PDE6C: variants seen among roughly 807,000 people sequenced by gnomAD.
PDE6C encodes cone cGMP-specific 3',5'-cyclic phosphodiesterase subunit alpha'.
In PDE6C, 75 loss-of-function variants were observed where a neutral mutation model predicts 113.1. The observed-to-expected ratio is 0.66, with a 90% confidence interval of 0.55 to 0.80. PDE6C has a LOEUF of 0.80. Ranked by LOEUF, PDE6C falls within the 30% of genes least tolerant of loss-of-function variation. The pLI is 0.00. For missense variants in PDE6C, 912 were observed against 1,038.6 expected, an observed-to-expected ratio of 0.88 and a Z score of 1.67; for synonymous variants, 375 against 363.7, an observed-to-expected ratio of 1.03 and a Z score of -0.35.
intron 8 of PDE6C, among the ~76,000 whole-genome samples, chr10:93,632,322 G>A (rs1333336542): frequency 1.3e-5 from 2 of 152,184 alleles, no homozygotes; most frequent in African/African-American, 4.8e-5. Context: ...AGGTTCCAGA[G>A]ATTAGGATAT....
intron 15 of PDE6C, 127 bp from the exon 16 acceptor site, chr10:93,655,633 G>GAAAAAAAAAAAAAAAAAA (rs2058633976): frequency 1.9e-6 from 1 of 538,458 alleles, no homozygotes; most frequent in Non-Finnish European, 3.4e-6. Flanking sequence ...AAAAAAGGAA[G>GAAAAAAAAAAAAAAAAAA]GAAAACAAAA....
At chr10:93,658,650 CTGTTT>C (rs1286585871) in intron 16 of PDE6C, among the ~76,000 whole-genome samples, 8 of 144,740 alleles carry the variant, frequency 5.5e-5, no homozygotes, top group East Asian at 2.0e-4. Flanking sequence ...TCCAAGTTAC[CTGTTT>C]TGTTTTGTTT....
intron 15 of PDE6C, among the ~76,000 whole-genome samples, chr10:93,653,802 T>C (rs559619872): frequency 2.6e-5 from 4 of 152,342 alleles, no homozygotes; most frequent in East Asian, 3.9e-4. Context: ...GATGAACTCA[T>C]TATGTTGACA....
chr10:93,622,810 G>T (rs2058455173), intron 4 of PDE6C, among the ~76,000 whole-genome samples: 1 of 151,890 alleles, frequency 6.6e-6, no homozygotes. Context: ...TGACTCAATA[G>T]CTAATTTCTT....
At chr10:93,632,647 G>C (rs535853859) in intron 8 of PDE6C, among the ~76,000 whole-genome samples, 1 of 152,188 alleles carries the variant, frequency 6.6e-6, no homozygotes, top group South Asian at 2.1e-4. Context: ...TCTTTCACAC[G>C]CATGTGATAT....
At chr10:93,642,116 AGCACTTTG>A in intron 14 of PDE6C, among the ~76,000 whole-genome samples, 1 of 152,338 alleles carries the variant, frequency 6.6e-6, no homozygotes, top group African/African-American at 2.4e-5. Context: ...CTATAATCCC[AGCACTTTG>A]GGAGGCTGAG....
rs554478045 is a variant in PDE6C at position 93,633,752 on chromosome 10, T to A, written c.1120-1006T>A. On this transcript the variant is annotated intron_variant, in intron 8 of 21. Coordinates refer to ENST00000371447, the MANE Select transcript of PDE6C (RefSeq NM_006204.4). ...CAGAAAAACAAAAACCACACTAGTA[T>A]TTTAACGGGAGAATTTTATTTAAGG... is the stretch of plus-strand genomic sequence containing the variant. 2.6e-4 allele frequency among the ~76,000 whole-genome samples: 39 copies of A among 152,258 alleles called. No individual in the cohort carries two copies. The East Asian group carries it at 4.5e-3, about 17-fold the overall frequency.
intron 21 of PDE6C, among the ~76,000 whole-genome samples, chr10:93,663,961 C>T (rs1347601665): frequency 6.6e-6 from 1 of 152,092 alleles, no homozygotes; most frequent in Non-Finnish European, 1.5e-5. Flanking sequence ...TGACATGTTC[C>T]TTTTAGGTGG....
chr10:93,635,477 T>C lies in PDE6C; in HGVS notation c.1270-20T>C. The stretch of plus-strand genomic sequence containing the variant: ...TTTCTTTCACTGAAGAGAATTAGAA[T>C]CACCTTTTATCCATTTCAGACTCTC... On this transcript the variant is annotated intron_variant, in intron 9 of 21. Transcript: ENST00000371447. The C allele has an allele frequency of 5.6e-6, 9 of 1,604,964 alleles. No individual in the cohort carries two copies. Among genetic ancestry groups the C allele is most frequent in the Non-Finnish European group, 6.8e-6 (8 of 1,171,844 alleles).
intron 4 of PDE6C, among the ~76,000 whole-genome samples, chr10:93,622,773 C>T (rs1276887805): frequency 1.3e-5 from 2 of 151,398 alleles, no homozygotes; most frequent in African/African-American, 4.9e-5. Context: ...TTGAAATATG[C>T]ATTTAAGTTT....
At position 93,663,027 on chromosome 10, in the gene PDE6C, G is replaced by A. The variant is rs1564806903; in HGVS notation, c.2368-1G>A. On this transcript the variant is annotated splice_acceptor_variant, in intron 20 of 21. Transcript: ENST00000371447. LOFTEE classifies it high-confidence loss of function. ...AGTTTCTGACCTAAAATTCCTTTTAGGAGTTCTCACGGTTTCACAAAGAAA... is the reference window on the plus strand; with the variant it reads ...AGTTTCTGACCTAAAATTCCTTTTAAGAGTTCTCACGGTTTCACAAAGAAA... 6.2e-7 allele frequency: 1 copy of A among 1,610,996 alleles called. No individual in the cohort carries two copies. Among genetic ancestry groups the A allele is most frequent in the Non-Finnish European group, 8.5e-7 (1 of 1,178,634 alleles).
chr10:93,626,709 G>A lies in PDE6C; in HGVS notation c.1004+5G>A, dbSNP rs1393355683. On this transcript the variant is annotated splice_donor_5th_base_variant and intron_variant, in intron 6 of 21. Coordinates refer to ENST00000371447, the MANE Select transcript of PDE6C (RefSeq NM_006204.4). ...AGAAGAGATCAAAGTGATTCCGTGA[G>A]TATTGGCAGGAAGTTGCTGCCGCAG... 1.9e-6 allele frequency: 3 copies of A among 1,605,332 alleles called. No individual in the cohort carries two copies. Among genetic ancestry groups the A allele is most frequent in the Admixed American group, 1.7e-5 (1 of 60,016 alleles).
intron 14 of PDE6C, among the ~76,000 whole-genome samples, chr10:93,641,370 C>A (rs1178377763): frequency 6.6e-6 from 1 of 152,148 alleles, no homozygotes; most frequent in Non-Finnish European, 1.5e-5. Flanking sequence ...CAGTGGCTCG[C>A]ACCTGAAATC....
intron 14 of PDE6C, among the ~76,000 whole-genome samples, chr10:93,641,331 A>G (rs747062480): frequency 3.5e-4 from 53 of 152,084 alleles, no homozygotes; most frequent in African/African-American, 1.1e-3. Flanking sequence ...TTGAATTCCT[A>G]TATTAAAGTG....
intron 1 of PDE6C, among the ~76,000 whole-genome samples, chr10:93,618,602 C>T (rs1445048783): frequency 1.3e-5 from 2 of 152,204 alleles, no homozygotes; most frequent in East Asian, 3.9e-4. Context: ...CATATTTCCT[C>T]TGAGAGCGGT....
Position 93,641,012 on chromosome 10 carries a change from T to C in PDE6C, c.1830T>C (p.Asn610=), listed in dbSNP as rs779935527. The C allele has an allele frequency of 6.9e-6, 11 of 1,603,726 alleles. No homozygotes were observed. Among genetic ancestry groups the C allele is most frequent in the Non-Finnish European group, 9.4e-6 (11 of 1,170,708 alleles). ...ATGATATTGACCACAGAGGCACCAATAATTTGTACCAGATGAAGTAAGTGA... is the reference window on the plus strand; with the variant it reads ...ATGATATTGACCACAGAGGCACCAACAATTTGTACCAGATGAAGTAAGTGA... The part of the protein sequence containing the change: ...FCHDIDHRGT[N]NLYQMKSTSP... The change falls in exon 14 of 22, where the codon AAT becomes AAC. Residue 610 remains asparagine, a synonymous_variant. Transcript: ENST00000371447.
At chr10:93,626,581 T>G (rs2058473902) in intron 5 of PDE6C, 59 bp from the exon 6 acceptor site, 1 of 977,850 alleles carries the variant, frequency 1.0e-6, no homozygotes, top group Non-Finnish European at 1.6e-6. Context: ...AGTTCCCCAA[T>G]GAAAAATGAT....
intron 15 of PDE6C, among the ~76,000 whole-genome samples, chr10:93,654,379 C>T (rs940310586): frequency 6.6e-5 from 10 of 152,202 alleles, no homozygotes; most frequent in African/African-American, 2.2e-4. Flanking sequence ...CTGGCTTAGA[C>T]ACCAGTTCTG....
At chr10:93,639,806 T>G (rs2058550268) in intron 11 of PDE6C, among the ~76,000 whole-genome samples, 1 of 152,242 alleles carries the variant, frequency 6.6e-6, no homozygotes, top group African/African-American at 2.4e-5. Flanking sequence ...GGAGTTGGAT[T>G]TAGAATGGTA....
Sources: allele counts gnomAD v4.1 joint callset (sites outside exome capture counted in the v4.1 genomes callset), GRCh38; gene constraint gnomAD v4.1.1; transcripts MANE v1.5; gene names NCBI Gene and HGNC (gene_info 2026-07-23, HGNC 2026-07-21).